Variants in GTF2E1 observed in about 807,000 individuals in gnomAD.
GTF2E1 encodes general transcription factor IIE subunit 1.
GTF2E1 carries 14 observed loss-of-function variants against 34.9 expected under a neutral mutation model. The ratio of observed to expected loss-of-function variants is 0.40; its 90% CI spans 0.27 to 0.63. The LOEUF (loss-of-function observed/expected upper bound fraction) is 0.63. GTF2E1 is among the 20% of genes least tolerant of loss of function. GTF2E1 has a pLI of 0.39. For synonymous variants in GTF2E1, 188 were observed against 192.9 expected, an observed-to-expected ratio of 0.97 and a Z score of 0.21; for missense variants, 469 against 557.7, an observed-to-expected ratio of 0.84 and a Z score of 1.60.
intron 2 of GTF2E1, among the ~76,000 whole-genome samples, chr3:120,755,692 G>A (rs1349174419): frequency 2.0e-5 from 3 of 152,030 alleles, no homozygotes; most frequent in Non-Finnish European, 4.4e-5. Flanking sequence ...TTACCCTGTT[G>A]TGCTATCAAA....
chr3:120,770,360 T>C (rs1396713273), intron 2 of GTF2E1, among the ~76,000 whole-genome samples: 1 of 152,156 alleles, frequency 6.6e-6, no homozygotes, highest in Non-Finnish European at 1.5e-5. Flanking sequence ...TAGGCCCAAA[T>C]GTGTAATGTG....
rs1379437580 is a variant in GTF2E1 at position 120,769,195 on chromosome 3, C to G, written c.449-1533C>G. Among the ~76,000 whole-genome samples, 5 of 145,322 alleles carry G rather than the reference C, an allele frequency of 3.4e-5. No homozygotes were observed. The East Asian group carries it at 9.8e-4, about 28-fold the overall frequency. On this transcript the variant is annotated intron_variant, in intron 2 of 4. Coordinates refer to ENST00000283875, the MANE Select transcript of GTF2E1 (RefSeq NM_005513.3). ...TTTAAAGCAATTTGATATCTTTTAC[C>G]TAAAAAAAAAAAAAAAGCTAGTTCT...
chr3:120,776,771 T>G (rs1454819890), intron 4 of GTF2E1, 107 bp downstream of exon 4: 1 of 920,542 alleles, frequency 1.1e-6, no homozygotes, highest in Non-Finnish European at 1.6e-6. Flanking sequence ...TACAGAACAA[T>G]TAATTGCATT....
rs761837090 is a variant in GTF2E1, at chr3:120,750,802, G to A, written c.250G>A (p.Gly84Arg). 5 of 1,613,916 alleles carry A rather than the reference G, an allele frequency of 3.1e-6. No individual in the cohort carries two copies. Among genetic ancestry groups the A allele is most frequent in the Middle Eastern group, 1.6e-4 (1 of 6,062 alleles). ...AATGAGGGTAGAGACTGCTGCAGAC[G>A]GGAAAACCACTCGCCATAACTACTA... is the stretch of plus-strand genomic sequence containing the variant. ...CRMRVETAAD[G>R]KTTRHNYYFI... Residue 84 changes from glycine (G) to arginine (R), a missense_variant, in exon 2 of 5, where the codon GGG becomes AGG. Transcript: ENST00000283875.
intron 1 of GTF2E1, among the ~76,000 whole-genome samples, chr3:120,747,134 G>A (rs866188789): frequency 7.3e-5 from 11 of 151,560 alleles, no homozygotes; most frequent in Middle Eastern, 3.4e-3. Context: ...ACTGAGTTTC[G>A]CTCTTGTTGC....
chr3:120,781,872 T>C lies in GTF2E1; in HGVS notation c.*402T>C, dbSNP rs55697401. The C allele has an allele frequency of 0.28, 43,995 of 159,936 alleles. 6,538 individuals are homozygous for C. The highest frequency in any genetic ancestry group is 0.33 in the Non-Finnish European group (23,725 of 72,242). The allele number at this position is 159,936 out of a possible 1,614,324, so 9.9% of individuals were successfully genotyped here. A position where few individuals can be genotyped will look rare whatever the true frequency, so the allele number is the denominator to read the frequency against. On this transcript the variant is annotated 3_prime_UTR_variant, in exon 5 of 5. Transcript: ENST00000283875. ...CTGGGATTACAGGTGCCTGCCACCA[T>C]GCCTGGCTAATTTTTGTATTTTTAG...
intron 3 of GTF2E1, among the ~76,000 whole-genome samples, chr3:120,775,826 T>C (rs1008062971): frequency 6.6e-6 from 1 of 152,160 alleles, no homozygotes; most frequent in African/African-American, 2.4e-5. Context: ...AACATACAAC[T>C]ACATAGAAAA....
chr3:120,753,815 T>C (rs1415140608), intron 2 of GTF2E1, among the ~76,000 whole-genome samples: 2 of 152,212 alleles, frequency 1.3e-5, no homozygotes, highest in African/African-American at 2.4e-5. Flanking sequence ...ATACTTTCCA[T>C]TTAGATTTGC....
At chr3:120,756,087 A>G (rs1038839604) in intron 2 of GTF2E1, among the ~76,000 whole-genome samples, 1 of 152,220 alleles carries the variant, frequency 6.6e-6, no homozygotes, top group Admixed American at 6.5e-5. Context: ...ATGCAGATAC[A>G]TCTGATATAC....
chr3:120,779,418 T>C (rs566050194), intron 4 of GTF2E1, among the ~76,000 whole-genome samples: 2 of 152,342 alleles, frequency 1.3e-5, no homozygotes, highest in East Asian at 3.9e-4. Flanking sequence ...TTTGACAATA[T>C]TTTGAAGTAG....
chr3:120,778,382 C>T (rs535420640), intron 4 of GTF2E1, among the ~76,000 whole-genome samples: 1 of 152,286 alleles, frequency 6.6e-6, no homozygotes, highest in African/African-American at 2.4e-5. Context: ...AGAGCAGACT[C>T]TATCCAGTGA....
In GTF2E1 at chr3:120,756,256, G is replaced by A. The variant is rs114868305; in HGVS notation, c.448+5256G>A. Among the ~76,000 whole-genome samples, 417 of 152,106 alleles carry A rather than the reference G, an allele frequency of 2.7e-3. 1 individual carries two copies. Among genetic ancestry groups the A allele is most frequent in the African/African-American group, 6.0e-3 (248 of 41,502 alleles). On this transcript the variant is annotated intron_variant, in intron 2 of 4. Transcript: ENST00000283875. ...TGTACGACAGTTCCCTTTCCTCCAC[G>A]TTCTTGCCAGCATTTGTTATTGCCA...
intron 2 of GTF2E1, among the ~76,000 whole-genome samples, chr3:120,753,527 A>G (rs146895532): frequency 1.4e-4 from 22 of 152,250 alleles, no homozygotes; most frequent in South Asian, 2.1e-4. Flanking sequence ...CAATTAGGGG[A>G]TATTCAGAAA....
intron 1 of GTF2E1, among the ~76,000 whole-genome samples, chr3:120,749,167 G>T (rs1438523044): frequency 2.0e-5 from 3 of 152,092 alleles, no homozygotes; most frequent in Non-Finnish European, 4.4e-5. Flanking sequence ...AGACAATGGG[G>T]TTTTCTAGAT....
intron 1 of GTF2E1, among the ~76,000 whole-genome samples, chr3:120,745,866 G>C (rs1295008071): frequency 1.3e-5 from 2 of 152,154 alleles, no homozygotes; most frequent in Non-Finnish European, 2.9e-5. Flanking sequence ...GTACTACTTT[G>C]GTGTCGAGCC....
chr3:120,764,355 T>TG (rs1709289506), intron 2 of GTF2E1, among the ~76,000 whole-genome samples: 1 of 152,294 alleles, frequency 6.6e-6, no homozygotes, highest in African/African-American at 2.4e-5. Context: ...CCCACTGTTC[T>TG]GGGGTGAGAG....
intron 2 of GTF2E1, among the ~76,000 whole-genome samples, chr3:120,770,456 A>G (rs1249691882): frequency 6.6e-6 from 1 of 152,214 alleles, no homozygotes; most frequent in Non-Finnish European, 1.5e-5. Flanking sequence ...TAAAATAAAT[A>G]CATATTAGAA....
chr3:120,761,611 A>T (rs1042521981), intron 2 of GTF2E1, among the ~76,000 whole-genome samples: 1 of 151,954 alleles, frequency 6.6e-6, no homozygotes, highest in Non-Finnish European at 1.5e-5. Context: ...AGAGATTCTG[A>T]TATGTTGTGT....
chr3:120,750,195 A>G (rs1238017745), intron 1 of GTF2E1, among the ~76,000 whole-genome samples: 1 of 152,240 alleles, frequency 6.6e-6, no homozygotes, highest in African/African-American at 2.4e-5. Flanking sequence ...AGCATTCCCA[A>G]AGAATAGTGA....
Sources: gnomAD v4.1 joint callset for allele counts (sites outside exome capture counted in the v4.1 genomes callset) on GRCh38, gnomAD v4.1.1 for gene constraint, MANE v1.5 for transcripts, NCBI Gene and HGNC (gene_info 2026-07-23, HGNC 2026-07-21) for gene names.